The following BTBD9 variants were observed in gnomAD, a reference collection of about 807,000 sequenced individuals.
BTBD9 encodes the protein BTB/POZ domain-containing protein 9.
A neutral mutation model predicts 64.3 loss-of-function variants in BTBD9; 49 were observed. The ratio of observed to expected loss-of-function variants is 0.76; its 90% CI spans 0.61 to 0.97. BTBD9 has a LOEUF of 0.97. Among genes scored for constraint, BTBD9 ranks in the 50% least tolerant of loss-of-function variants. BTBD9 has a pLI of 0.00. For missense variants in BTBD9, 598 were observed against 762.1 expected, an observed-to-expected ratio of 0.78 and a Z score of 2.53; for synonymous variants, 260 against 274.7, an observed-to-expected ratio of 0.95 and a Z score of 0.53.
chr6:38,429,746 C>G (rs1020032409), intron 6 of BTBD9, among the ~76,000 whole-genome samples: 5 of 151,988 alleles, frequency 3.3e-5, no homozygotes, highest in African/African-American at 7.3e-5. Context: ...TGCTCAGAAA[C>G]TATCAGGTTA....
intron 6 of BTBD9, among the ~76,000 whole-genome samples, chr6:38,514,159 G>T (rs1223467968): frequency 1.3e-5 from 2 of 152,202 alleles, no homozygotes; most frequent in Non-Finnish European, 2.9e-5. Flanking sequence ...ATAAGGATGT[G>T]ATCCAGAGAT....
At chr6:38,437,585 CTTTCCACATGT>C (rs1272376330) in intron 6 of BTBD9, among the ~76,000 whole-genome samples, 1 of 152,156 alleles carries the variant, frequency 6.6e-6, no homozygotes, top group East Asian at 1.9e-4. Flanking sequence ...CTGTAATGCC[CTTTCCACATGT>C]TTTCTGATGT....
intron 6 of BTBD9, among the ~76,000 whole-genome samples, chr6:38,464,926 TTTATTCC>T (rs1168717385): frequency 1.4e-4 from 22 of 152,350 alleles, no homozygotes; most frequent in African/African-American, 5.1e-4. Context: ...ATGGATATCA[TTTATTCC>T]TTAAATGTTT....
rs532380021 is a variant in BTBD9 at position 38,275,311 on chromosome 6, C to A, written c.1454+12961G>T. Among the ~76,000 whole-genome samples, 240 of 152,000 alleles carry A rather than the reference C, an allele frequency of 1.6e-3. 1 individual carries two copies. Among genetic ancestry groups the A allele is most frequent in the South Asian group, 3.5e-3 (17 of 4,800 alleles). On this transcript the variant is annotated intron_variant, in intron 8 of 10. Coordinates refer to ENST00000481247, the MANE Select transcript of BTBD9 (RefSeq NM_001099272.2). ...GCTAGCCATATGTAGAAAGCTGAAA[C>A]TGGATCCCTTCCTTACACCTTATAC... is the stretch of plus-strand genomic sequence containing the variant.
chr6:38,409,562 C>T lies in BTBD9; in HGVS notation c.1155-64469G>A, dbSNP rs7775557. 4.4e-3 allele frequency among the ~76,000 whole-genome samples: 672 copies of T among 152,128 alleles called. 1 individual carries two copies. The highest frequency in any genetic ancestry group is 7.4e-3 in the Non-Finnish European group (506 of 68,002). ...TGATCTGGCTGAGCATGGTGGCTCACGCCTGTAATTCCAGCACTTTGGGAG... is the reference window on the plus strand; with the variant it reads ...TGATCTGGCTGAGCATGGTGGCTCATGCCTGTAATTCCAGCACTTTGGGAG... On this transcript the variant is annotated intron_variant, in intron 6 of 10. Transcript: ENST00000481247.
intron 9 of BTBD9, among the ~76,000 whole-genome samples, chr6:38,253,103 G>C (rs1370034371): frequency 6.6e-6 from 1 of 151,192 alleles, no homozygotes; most frequent in Non-Finnish European, 1.5e-5. Flanking sequence ...GACAGAGTGA[G>C]ACTCTGTCTC....
At chr6:38,498,455 A>G (rs2127398010) in intron 6 of BTBD9, among the ~76,000 whole-genome samples, 1 of 66,684 alleles carries the variant, frequency 1.5e-5, no homozygotes, top group Non-Finnish European at 3.5e-5. Flanking sequence ...TCTATCTAGT[A>G]CTAAAAAAAA....
intron 6 of BTBD9, among the ~76,000 whole-genome samples, chr6:38,431,567 A>T (rs917043232): frequency 6.6e-6 from 1 of 152,166 alleles, no homozygotes; most frequent in Non-Finnish European, 1.5e-5. Flanking sequence ...CCATTGTCTT[A>T]TCTACCATCA....
intron 9 of BTBD9, among the ~76,000 whole-genome samples, chr6:38,226,877 A>G (rs1266742373): frequency 6.6e-6 from 1 of 152,250 alleles, no homozygotes; most frequent in East Asian, 1.9e-4. Context: ...AATCCTAGTT[A>G]GACATGAAAA....
At chr6:38,428,556 G>A (rs1005724153) in intron 6 of BTBD9, among the ~76,000 whole-genome samples, 1 of 151,620 alleles carries the variant, frequency 6.6e-6, no homozygotes. Context: ...CAGGGTCCAT[G>A]ACTTGTTTCT....
intron 9 of BTBD9, among the ~76,000 whole-genome samples, chr6:38,241,792 GA>G (rs1318810397): frequency 2.6e-5 from 4 of 152,054 alleles, no homozygotes; most frequent in African/African-American, 7.2e-5. Flanking sequence ...AAAACAGAGG[GA>G]AAAAAACCAC....
intron 8 of BTBD9, among the ~76,000 whole-genome samples, chr6:38,279,690 T>C (rs1761435169): frequency 6.6e-6 from 1 of 152,144 alleles, no homozygotes; most frequent in African/African-American, 2.4e-5. Flanking sequence ...TTTCCACTCA[T>C]TTCGTTTTCC....
chr6:38,440,084 A>G (rs568489186), intron 6 of BTBD9, among the ~76,000 whole-genome samples: 6 of 152,308 alleles, frequency 3.9e-5, no homozygotes, highest in African/African-American at 1.4e-4. Flanking sequence ...TAGGCCACTG[A>G]ATTTATGAAG....
chr6:38,439,016 G>A (rs1368636307), intron 6 of BTBD9, among the ~76,000 whole-genome samples: 2 of 151,568 alleles, frequency 1.3e-5, no homozygotes, highest in East Asian at 3.9e-4. Flanking sequence ...GTGTCCTGGA[G>A]TGAAGAAAAC....
chr6:38,291,615 T>C (rs961208375), intron 7 of BTBD9, among the ~76,000 whole-genome samples: 1 of 152,186 alleles, frequency 6.6e-6, no homozygotes, highest in Non-Finnish European at 1.5e-5. Context: ...TTCAGTATGA[T>C]ATTGGCTGTG....
intron 6 of BTBD9, among the ~76,000 whole-genome samples, chr6:38,362,084 G>T (rs547915040): frequency 6.6e-6 from 1 of 152,140 alleles, no homozygotes; most frequent in African/African-American, 2.4e-5. Flanking sequence ...TACTTCAGGT[G>T]TCTTGGCTTA....
intron 8 of BTBD9, among the ~76,000 whole-genome samples, chr6:38,266,658 GAAA>G (rs1765012465): frequency 9.7e-6 from 1 of 102,874 alleles, no homozygotes; most frequent in Non-Finnish European, 2.0e-5. Flanking sequence ...AAGAAAGAAA[GAAA>G]GAAAGAAAGA....
At chr6:38,487,912 G>A (rs1019073357) in intron 6 of BTBD9, among the ~76,000 whole-genome samples, 15 of 152,104 alleles carry the variant, frequency 9.9e-5, no homozygotes, top group Non-Finnish European at 1.8e-4. Flanking sequence ...TTTATTATCT[G>A]GTCCTTTACC....
At chr6:38,485,044 C>T (rs1332742931) in intron 6 of BTBD9, among the ~76,000 whole-genome samples, 1 of 152,216 alleles carries the variant, frequency 6.6e-6, no homozygotes, top group East Asian at 1.9e-4. Flanking sequence ...TCCTCTCAAA[C>T]CCTACTACTG....
Sources: gnomAD v4.1 joint callset for allele counts (sites outside exome capture counted in the v4.1 genomes callset) on GRCh38, gnomAD v4.1.1 for gene constraint, MANE v1.5 for transcripts, NCBI Gene and HGNC (gene_info 2026-07-23, HGNC 2026-07-21) for gene names.